USF3: variants seen among roughly 807,000 people sequenced by gnomAD.
USF3 encodes the protein basic helix-loop-helix domain-containing protein USF3.
Under a neutral mutation model 157.5 loss-of-function variants are expected in USF3, and 29 were observed. The observed-to-expected ratio is 0.18, with a 90% confidence interval of 0.14 to 0.25. The LOEUF (loss-of-function observed/expected upper bound fraction) is 0.25, where lower values mean the gene tolerates loss of function less well. Ranked by LOEUF, USF3 falls within the 10% of genes least tolerant of loss-of-function variation. USF3 has a pLI of 1.00. For synonymous variants in USF3, 893 were observed against 941.4 expected (o/e 0.95, Z 0.94); for missense variants, 2,381 against 2,667.6 (o/e 0.89, Z 2.37).
chr3:113,658,596 G>A lies in USF3; in HGVS notation c.3086C>T (p.Pro1029Leu), dbSNP rs1947413686. The A allele has an allele frequency of 1.9e-6, 3 of 1,613,492 alleles. No individual in the cohort carries two copies. The highest frequency in any genetic ancestry group is 2.5e-6 in the Non-Finnish European group (3 of 1,179,808). The change falls in exon 7 of 7, where the codon CCT becomes CTT. Residue 1029 changes from proline to leucine, a missense_variant. Pro to Leu is a moderately conservative substitution (Grantham distance 98, BLOSUM62 -3). This residue lies in a region of USF3 where 1,435 missense variants were observed against 1,550.9 expected (regional missense o/e 0.93). Transcript: ENST00000316407. The stretch of plus-strand genomic sequence containing the variant: ...TTTAGGATTTTCTGAAGAAAAGTCA[G>A]GATGATCCATCTGATCAGAAAGAGA... ...KSSLSDQMDH[P>L]DFSSENPKIV...
chr3:113,660,090 T>C lies in USF3; in HGVS notation c.1592A>G (p.Gln531Arg). The C allele has an allele frequency of 6.2e-7, 1 of 1,614,206 alleles. No homozygotes were observed. Among genetic ancestry groups the C allele is most frequent in the Non-Finnish European group, 8.5e-7 (1 of 1,180,038 alleles). ...KNILPLNSAM[Q>R]VIQMAQPVGS... ...AACTGGCTGAGCCATCTGAATCACT[T>C]GCATTGCTGAATTCAGTGGAAGGAT... Residue 531 changes from glutamine (Q) to arginine (R), a missense_variant, in exon 7 of 7, where the codon CAA becomes CGA. Physicochemically the swap from Gln to Arg is conservative, Grantham distance 43. Around this residue, in one of 6 missense-constraint regions of USF3, gnomAD observed 1,435 missense variants for 1,550.9 expected, o/e 0.93. Transcript: ENST00000316407.
Position 113,656,949 on chromosome 3 carries a change from C to T in USF3, c.4733G>A (p.Ser1578Asn), listed in dbSNP as rs1194860092. Reference protein sequence around the residue: ...QHFGSSQTEKSCENPSTSRNH... With the variant: ...QHFGSSQTEKNCENPSTSRNH... ...CCGACTAGTTGAAGGGTTTTCACAG[C>T]TCTTCTCTGTCTGGGAGCTTCCAAA... The change falls in exon 7 of 7, where the codon AGC becomes AAC. Residue 1578 changes from serine (S) to asparagine (N), a missense_variant. Transcript: ENST00000316407. 3 of 1,614,110 alleles carry T rather than the reference C, an allele frequency of 1.9e-6. No homozygotes were observed. In the Admixed American group the frequency reaches 5.0e-5, roughly 27 times the overall value.
At position 113,660,722 on chromosome 3, in the gene USF3, G is replaced by A; in HGVS notation, c.960C>T (p.Ser320=). The change falls in exon 7 of 7, where the codon TCC becomes TCT. Residue 320 remains serine, a synonymous_variant. Transcript: ENST00000316407. ...CTCTGAAGTCCTGTATGCTCAGGCA[G>A]GACTTGTTTCCATGGTGCACTTTAG... The part of the protein sequence containing the change: ...TATKVHHGNK[S]CLSIQDFRGD... 4 of 1,614,234 alleles carry A rather than the reference G, an allele frequency of 2.5e-6. No homozygotes were observed. Among genetic ancestry groups the A allele is most frequent in the Non-Finnish European group, 3.4e-6 (4 of 1,180,036 alleles).
rs545263454 is a variant in USF3, at chr3:113,688,767, G to A, written c.-135+7603C>T. 8.2e-4 allele frequency among the ~76,000 whole-genome samples: 125 copies of A among 152,336 alleles called. 5 individuals are homozygous for A. In the South Asian group the frequency reaches 0.014, roughly 17 times the overall value. ...TCATTAATACAGATGCTGGCTGGGCGCGGTGGCTCACGCCTGTAACCCCAG... is the reference window on the plus strand; with the variant it reads ...TCATTAATACAGATGCTGGCTGGGCACGGTGGCTCACGCCTGTAACCCCAG... On this transcript the variant is annotated intron_variant, in intron 1 of 6. Coordinates refer to ENST00000316407, the MANE Select transcript of USF3 (RefSeq NM_001009899.4).
Position 113,650,207 on chromosome 3 carries a change from T to C in USF3, c.*4737A>G. On this transcript the variant is annotated 3_prime_UTR_variant, in exon 7 of 7. Coordinates refer to ENST00000316407, the MANE Select transcript of USF3 (RefSeq NM_001009899.4). ...TCATTTTGGTATCACCTTTGCCCTT[T>C]CATTCTTCACAGGAAAAAACAAGGC... 4.5e-6 allele frequency: 1 copy of C among 223,726 alleles called. No individual in the cohort carries two copies. Among genetic ancestry groups the C allele is most frequent in the Non-Finnish European group, 8.7e-6 (1 of 115,036 alleles). 13.9% of individuals were successfully genotyped at this position (223,726 alleles called of 1,614,324 possible).
At chr3:113,661,992 G>A (rs1348261954) in intron 6 of USF3, among the ~76,000 whole-genome samples, 1 of 152,056 alleles carries the variant, frequency 6.6e-6, no homozygotes, top group African/African-American at 2.4e-5. Flanking sequence ...GATTACAGGT[G>A]CGCACCAACA....
Position 113,655,040 on chromosome 3 carries a change from T to C in USF3, c.6642A>G (p.Ala2214=). ...GSAMSPLLTI[A]NSSASDSSKQ... ...TGGAAGAGTCAGAGGCAGAGGAATTTGCTATTGTAAGCAAAGGTGACATTG... is the reference window on the plus strand; with the variant it reads ...TGGAAGAGTCAGAGGCAGAGGAATTCGCTATTGTAAGCAAAGGTGACATTG... Residue 2214 remains alanine, a synonymous_variant, in exon 7 of 7, where the codon GCA becomes GCG. Coordinates refer to ENST00000316407, the MANE Select transcript of USF3 (RefSeq NM_001009899.4). 6.2e-7 allele frequency: 1 copy of C among 1,614,132 alleles called. No individual in the cohort carries two copies. Among genetic ancestry groups the C allele is most frequent in the African/African-American group, 1.3e-5 (1 of 74,954 alleles).
At chr3:113,686,376 T>C (rs1056190700) in intron 1 of USF3, among the ~76,000 whole-genome samples, 4 of 152,206 alleles carry the variant, frequency 2.6e-5, no homozygotes, top group African/African-American at 9.7e-5. Flanking sequence ...GTGTAGGCAA[T>C]TCAAGGCTGT....
chr3:113,659,549 C>T lies in USF3; in HGVS notation c.2133G>A (p.Leu711=). The T allele has an allele frequency of 6.2e-7, 1 of 1,614,108 alleles. No individual in the cohort carries two copies. Among genetic ancestry groups the T allele is most frequent in the Non-Finnish European group, 8.5e-7 (1 of 1,180,010 alleles). ...TNVALNTFGA[L]ASLNQSISQM... ...GTGATATGCTTTGATTGAGGCTGGCCAAAGCACCAAATGTATTCAGGGCAA... is the reference window on the plus strand; with the variant it reads ...GTGATATGCTTTGATTGAGGCTGGCTAAAGCACCAAATGTATTCAGGGCAA... The change falls in exon 7 of 7, where the codon TTG becomes TTA. Residue 711 remains leucine (L), a synonymous_variant. Transcript: ENST00000316407.
Position 113,659,160 on chromosome 3 carries a change from AGCAGTCCATCATTACAGGGTG to A in USF3, c.2501_2521del (p.Pro834_Leu840del). On this transcript the variant is annotated inframe_deletion, in exon 7 of 7. Coordinates refer to ENST00000316407, the MANE Select transcript of USF3 (RefSeq NM_001009899.4). ...TGGTAACACAGCAGGGAAGCTTTCT[AGCAGTCCATCATTACAGGGTG>A]GCTCTGCTGAGCCTTCAGTGTTGGG... The A allele has an allele frequency of 6.2e-7, 1 of 1,614,198 alleles. No homozygotes were observed. Among genetic ancestry groups the A allele is most frequent in the Non-Finnish European group, 8.5e-7 (1 of 1,180,036 alleles).
At chr3:113,688,268 G>A (rs756213505) in intron 1 of USF3, among the ~76,000 whole-genome samples, 10 of 152,168 alleles carry the variant, frequency 6.6e-5, no homozygotes, top group Non-Finnish European at 1.3e-4. Flanking sequence ...ACAGGCACTC[G>A]CCACCACACC....
In USF3 at chr3:113,674,817, G is replaced by A. The variant is rs1435313401; in HGVS notation, c.47+15C>T. 1.2e-5 allele frequency: 20 copies of A among 1,608,792 alleles called. No homozygotes were observed. Among genetic ancestry groups the A allele is most frequent in the Non-Finnish European group, 1.7e-5 (20 of 1,175,342 alleles). On this transcript the variant is annotated intron_variant, in intron 3 of 6. Coordinates refer to ENST00000316407, the MANE Select transcript of USF3 (RefSeq NM_001009899.4). ...TCTGCCCAAAGCATATTATATTGGG[G>A]CTGTGGATACATACCTGTGCTGCTT...
chr3:113,665,293 G>A (rs1486330357), intron 5 of USF3, among the ~76,000 whole-genome samples: 1 of 152,160 alleles, frequency 6.6e-6, no homozygotes, highest in Non-Finnish European at 1.5e-5. Context: ...GTAGTAGAAG[G>A]CCAGAGAAGG....
Position 113,658,035 on chromosome 3 carries a change from GAAC to G in USF3, c.3644_3646del (p.Cys1215del). The G allele has an allele frequency of 2.5e-6, 4 of 1,614,142 alleles. No homozygotes were observed. Among genetic ancestry groups the G allele is most frequent in the South Asian group, 1.1e-5 (1 of 91,082 alleles). On this transcript the variant is annotated inframe_deletion, in exon 7 of 7. Coordinates refer to ENST00000316407, the MANE Select transcript of USF3 (RefSeq NM_001009899.4). The stretch of plus-strand genomic sequence containing the variant: ...TGCATTTGATGTTTTAATTCCTAGA[GAAC>G]AACTTGGTTTCTCAAGGGGCCTCTC...
intron 1 of USF3, among the ~76,000 whole-genome samples, chr3:113,683,182 A>C (rs1707473377): frequency 6.6e-6 from 1 of 151,860 alleles, no homozygotes; most frequent in Non-Finnish European, 1.5e-5. Context: ...CATTATTTTA[A>C]ACTAATGACA....
intron 1 of USF3, among the ~76,000 whole-genome samples, chr3:113,695,460 T>C (rs1577059041): frequency 6.6e-6 from 1 of 152,252 alleles, no homozygotes; most frequent in South Asian, 2.1e-4. Flanking sequence ...TAACTCACCG[T>C]AAGATTTATT....
Position 113,660,631 on chromosome 3 carries a change from C to A in USF3, c.1051G>T (p.Ala351Ser). 6.2e-7 allele frequency: 1 copy of A among 1,614,162 alleles called. No individual in the cohort carries two copies. Among genetic ancestry groups the A allele is most frequent in the Non-Finnish European group, 8.5e-7 (1 of 1,180,012 alleles). ...ATGCTCATTGGAGAAGAATCACCTG[C>A]AGTTCTGGGAGGCTGCGAGCAGACT... The part of the protein sequence containing the change: ...TTVCSQPPRT[A>S]GDSSPMSISK... Residue 351 changes from alanine to serine, a missense_variant, in exon 7 of 7, where the codon GCA (alanine) becomes TCA (serine). Coordinates refer to ENST00000316407, the MANE Select transcript of USF3 (RefSeq NM_001009899.4).
intron 1 of USF3, among the ~76,000 whole-genome samples, chr3:113,690,833 T>A (rs1707667018): frequency 6.6e-6 from 1 of 152,176 alleles, no homozygotes; most frequent in Non-Finnish European, 1.5e-5. Flanking sequence ...TTACATAATG[T>A]CCCTTTTCTC....
chr3:113,695,172 T>C (rs995619673), intron 1 of USF3, among the ~76,000 whole-genome samples: 6 of 152,270 alleles, frequency 3.9e-5, no homozygotes, highest in Non-Finnish European at 7.3e-5. Context: ...TAAGCATTCA[T>C]TCTTGCATGG....
Sources: allele counts gnomAD v4.1 joint callset (sites outside exome capture counted in the v4.1 genomes callset), GRCh38; gene constraint gnomAD v4.1.1; regional missense constraint gnomAD v4.1.1; transcripts MANE v1.5; gene names NCBI Gene and HGNC (gene_info 2026-07-23, HGNC 2026-07-21).